SLC38A10: variants seen among roughly 807,000 people sequenced by gnomAD.
SLC38A10 encodes the protein Sodium-coupled neutral amino acid transporter 10.
In SLC38A10, 53 loss-of-function variants were observed where a neutral mutation model predicts 81.0. The ratio of observed to expected loss-of-function variants is 0.65; its 90% CI spans 0.53 to 0.82. SLC38A10 has a LOEUF of 0.82. Among genes scored for constraint, SLC38A10 ranks in the 40% least tolerant of loss-of-function variants. The pLI, the probability that SLC38A10 is intolerant of heterozygous loss-of-function variation, is 0.00. For synonymous variants in SLC38A10, 665 were observed against 655.3 expected, an observed-to-expected ratio of 1.01 and a Z score of -0.23; for missense variants, 1,471 against 1,545.0, an observed-to-expected ratio of 0.95 and a Z score of 0.80.
Position 81,282,192 on chromosome 17 carries a change from G to T in SLC38A10, c.498C>A (p.Phe166Leu). The change falls in exon 5 of 16, where the codon TTC becomes TTA. Residue 166 changes from phenylalanine (F) to leucine (L), a missense_variant. This residue lies in a region of SLC38A10 where 720 missense variants were observed against 827.7 expected (regional missense o/e 0.87). Coordinates refer to ENST00000374759, the MANE Select transcript of SLC38A10 (RefSeq NM_001037984.3). ...CCCACGCGCGCTGCCGACTCACCAC[G>T]AACATGAACACGGTGTAGAAGAGGA... is the stretch of plus-strand genomic sequence containing the variant. ...MALLFYTVFM[F>L]VIVLSSLKHG... 6.2e-7 allele frequency: 1 copy of T among 1,613,430 alleles called. No homozygotes were observed. Among genetic ancestry groups the T allele is most frequent in the Non-Finnish European group, 8.5e-7 (1 of 1,179,834 alleles).
intron 11 of SLC38A10, among the ~76,000 whole-genome samples, chr17:81,258,443 C>A (rs544176963): frequency 6.6e-6 from 1 of 152,174 alleles, no homozygotes; most frequent in African/African-American, 2.4e-5. Flanking sequence ...CCAGGTGAGC[C>A]GGAGGCCCAC....
Position 81,276,228 on chromosome 17 carries a change from T to G in SLC38A10, c.730-77A>C. ...GGCACCTGTCACAGTGGGCAGGGCA[T>G]GGGGGGGACCTGTGCCCTGCCCCCC... On this transcript the variant is annotated intron_variant, in intron 7 of 15. Transcript: ENST00000374759. The surrounding 1 kb of genome is among the most constrained non-coding windows in gnomAD (Gnocchi z 4.7). 1 of 1,393,992 alleles carries G rather than the reference T, an allele frequency of 7.2e-7. No homozygotes were observed. Among genetic ancestry groups the G allele is most frequent in the Non-Finnish European group, 9.7e-7 (1 of 1,028,954 alleles). 86.4% of individuals were successfully genotyped at this position (1,393,992 alleles called of 1,614,324 possible). A position where few individuals can be genotyped will look rare whatever the true frequency, so the allele number is the denominator to read the frequency against.
intron 13 of SLC38A10, chr17:81,251,915 C>T (rs2062918940): frequency 3.8e-6 from 2 of 528,968 alleles, no homozygotes; most frequent in Non-Finnish European, 6.3e-6. Context: ...CAGGCGCCCC[C>T]CGCGCCGCCC....
At chr17:81,258,604 T>C (rs1467371248) in intron 11 of SLC38A10, among the ~76,000 whole-genome samples, 1 of 151,402 alleles carries the variant, frequency 6.6e-6, no homozygotes, top group Non-Finnish European at 1.5e-5. Context: ...CACCCCTCAC[T>C]GCCCAGGGCT....
intron 14 of SLC38A10, among the ~76,000 whole-genome samples, chr17:81,248,481 C>G (rs536368598): frequency 6.6e-6 from 1 of 152,344 alleles, no homozygotes; most frequent in South Asian, 2.1e-4. Context: ...CAGGAGCACC[C>G]GGTCTGACTC....
chr17:81,292,360 C>T (rs1483238885), intron 1 of SLC38A10, among the ~76,000 whole-genome samples: 2 of 151,912 alleles, frequency 1.3e-5, no homozygotes, highest in Non-Finnish European at 2.9e-5. Flanking sequence ...CTCCTGACCT[C>T]GTGATCCACC....
Position 81,252,243 on chromosome 17 carries a change from CTGGCGGCGGTCCCCCCT to C in SLC38A10, c.1880_1896del (p.Lys627ArgfsTer112). The C allele has an allele frequency of 6.4e-7, 1 of 1,553,022 alleles. No homozygotes were observed. Among genetic ancestry groups the C allele is most frequent in the East Asian group, 2.3e-5 (1 of 44,270 alleles). ...TGCCCTGTGTCCCCGGCGGCGTTGC[CTGGCGGCGGTCCCCCCT>C]TGGCCTTTTCCCCTCCACCCACCGC... On this transcript the variant is annotated frameshift_variant, in exon 13 of 16. Transcript: ENST00000374759. LOFTEE classifies it high-confidence loss of function.
rs1440471169 is a variant in SLC38A10, at chr17:81,280,639, G to C, written c.596C>G (p.Pro199Arg). ...VRWEGVFRCI[P>R]IFGMSFACQS... Reference sequence around the variant, plus strand: ...GCAGGCGAAGGACATGCCGAAGATGGGGATGCAGCGGAAGACGCCCTCCCA... The same window carrying C: ...GCAGGCGAAGGACATGCCGAAGATGCGGATGCAGCGGAAGACGCCCTCCCA... The change falls in exon 6 of 16, where the codon CCC (proline) becomes CGC (arginine). Residue 199 changes from proline (P) to arginine (R), a missense_variant. Physicochemically the swap from Pro to Arg is moderately radical, Grantham distance 103. This residue lies in a region of SLC38A10 where 720 missense variants were observed against 827.7 expected (regional missense o/e 0.87). Coordinates refer to ENST00000374759, the MANE Select transcript of SLC38A10 (RefSeq NM_001037984.3). The C allele has an allele frequency of 1.9e-6, 3 of 1,612,544 alleles. No individual in the cohort carries two copies. The highest frequency in any genetic ancestry group is 1.7e-6 in the Non-Finnish European group (2 of 1,179,778).
chr17:81,293,030 G>A (rs935960563), intron 1 of SLC38A10, among the ~76,000 whole-genome samples: 2 of 152,224 alleles, frequency 1.3e-5, no homozygotes, highest in African/African-American at 4.8e-5. Context: ...CGGCGTGGTG[G>A]CACATGCCTG....
intron 10 of SLC38A10, among the ~76,000 whole-genome samples, chr17:81,269,301 G>A (rs1459825716): frequency 6.6e-6 from 1 of 152,068 alleles, no homozygotes; most frequent in Non-Finnish European, 1.5e-5. Flanking sequence ...ATTATTTGAG[G>A]TCAGGATTTG....
rs773167999 is a variant in SLC38A10 at position 81,246,058 on chromosome 17, T to C, written c.2858A>G (p.Gln953Arg). The change falls in exon 16 of 16, where the codon CAG becomes CGG. Residue 953 changes from glutamine to arginine, a missense_variant. Gln to Arg is a conservative substitution (Grantham distance 43). Coordinates refer to ENST00000374759, the MANE Select transcript of SLC38A10 (RefSeq NM_001037984.3). ...GGAEGAAAQP[Q>R]AVLRQPELRV... ...CAGTTCCGGCTGGCGTAACACAGCC[T>C]GGGGCTGTGCAGCTGCTCCTTCCGC... The C allele has an allele frequency of 6.2e-7, 1 of 1,609,696 alleles. No individual in the cohort carries two copies. Among genetic ancestry groups the C allele is most frequent in the Admixed American group, 1.7e-5 (1 of 59,972 alleles).
At chr17:81,249,433 G>GAAGAGA (rs2062887414) in intron 14 of SLC38A10, among the ~76,000 whole-genome samples, 1 of 834 alleles carries the variant, frequency 1.2e-3, no homozygotes, top group African/African-American at 4.5e-3. Context: ...GGGAGAAGGA[G>GAAGAGA]GGAGGGAGAA....
intron 14 of SLC38A10, chr17:81,249,956 A>G: frequency 1.0e-6 from 1 of 960,282 alleles, no homozygotes; most frequent in South Asian, 1.5e-5. Flanking sequence ...GGGGCCTGAC[A>G]CGTGTCCCCA....
At chr17:81,266,627 A>G (rs993252274) in intron 10 of SLC38A10, among the ~76,000 whole-genome samples, 2 of 151,298 alleles carry the variant, frequency 1.3e-5, no homozygotes, top group Non-Finnish European at 2.9e-5. Flanking sequence ...TCAAAAAAAA[A>G]AAAAAGAAAA....
At chr17:81,285,085 A>G (rs1343683803) in intron 2 of SLC38A10, 190 bp from the exon 3 acceptor site, 2 of 472,736 alleles carry the variant, frequency 4.2e-6, no homozygotes, top group Admixed American at 8.3e-5. Context: ...ATGAAACTAC[A>G]AGAAACAAAG....
intron 1 of SLC38A10, among the ~76,000 whole-genome samples, chr17:81,292,987 C>CAAATAAAT (rs377273514): frequency 1.1e-4 from 17 of 151,934 alleles, no homozygotes; most frequent in Middle Eastern, 3.4e-3. Context: ...CTACTAAATA[C>CAAATAAAT]AAATAAATAA....
At chr17:81,291,133 G>T (rs2063306713) in intron 1 of SLC38A10, among the ~76,000 whole-genome samples, 1 of 152,136 alleles carries the variant, frequency 6.6e-6, no homozygotes, top group South Asian at 2.1e-4. Flanking sequence ...CGGTGAGGGG[G>T]GCGGGGGCGC....
In SLC38A10 at chr17:81,276,665, C is replaced by T. The variant is rs776621731; in HGVS notation, c.729+366G>A. On this transcript the variant is annotated intron_variant, in intron 7 of 15. Transcript: ENST00000374759. The surrounding 1 kb of genome is among the most constrained non-coding windows in gnomAD (Gnocchi z 4.7). The stretch of plus-strand genomic sequence containing the variant: ...TCGGTCTCCCAAAGTGCTGGGATTA[C>T]AGGTGTGAGCAACGGCGCCCGGCCG... Among the ~76,000 whole-genome samples, 19 of 152,330 alleles carry T rather than the reference C, an allele frequency of 1.2e-4. No homozygotes were observed. In the South Asian group the frequency reaches 3.7e-3, roughly 30 times the overall value.
chr17:81,281,107 C>T lies in SLC38A10; in HGVS notation c.502-374G>A, dbSNP rs929910580. ...TGGGCAGGTCCCTCCCCATCTTGTA[C>T]TGTGTTAGACATGGACATTTTCCAA... On this transcript the variant is annotated intron_variant, in intron 5 of 15. Coordinates refer to ENST00000374759, the MANE Select transcript of SLC38A10 (RefSeq NM_001037984.3). This position sits in a 1 kb window ranked among gnomAD's most constrained non-coding sequence, Gnocchi z 5.3. Among the ~76,000 whole-genome samples, 1 of 152,230 alleles carries T rather than the reference C, an allele frequency of 6.6e-6. No homozygotes were observed. Among genetic ancestry groups the T allele is most frequent in the Non-Finnish European group, 1.5e-5 (1 of 68,040 alleles).
Sources: allele counts gnomAD v4.1 joint callset (sites outside exome capture counted in the v4.1 genomes callset), GRCh38; gene constraint gnomAD v4.1.1; regional missense constraint gnomAD v4.1.1; non-coding constraint Gnocchi (gnomAD v3.1); transcripts MANE v1.5; gene names NCBI Gene and HGNC (gene_info 2026-07-23, HGNC 2026-07-21).